The following PHTF2 variants were observed in gnomAD, a reference collection of about 807,000 sequenced individuals.
PHTF2 encodes protein PHTF2.
A neutral mutation model predicts 101.2 loss-of-function variants in PHTF2; 60 were observed. That is an observed-to-expected ratio of 0.59 (90% CI 0.48 to 0.73). The LOEUF (loss-of-function observed/expected upper bound fraction) is 0.73, where lower values mean the gene tolerates loss of function less well. Ranked by LOEUF, PHTF2 falls within the 30% of genes least tolerant of loss-of-function variation. PHTF2 has a pLI of 0.00. For synonymous variants in PHTF2, 311 were observed against 307.3 expected (o/e 1.01, Z -0.13); for missense variants, 747 against 908.7 (o/e 0.82, Z 2.29).
At chr7:77,909,983 A>G (rs1562939489) in intron 8 of PHTF2, 1 of 270,226 alleles carries the variant, frequency 3.7e-6, no homozygotes, top group Non-Finnish European at 6.9e-6. Flanking sequence ...GCTTTTGTAA[A>G]TATCCATCCA....
chr7:77,828,138 A>G (rs1794825112), intron 1 of PHTF2, among the ~76,000 whole-genome samples: 1 of 152,212 alleles, frequency 6.6e-6, no homozygotes, highest in African/African-American at 2.4e-5. Context: ...ACCAGTAATA[A>G]CATGTCCATG....
exon 14 of PHTF2, chr7:77,940,158 T>C: frequency 6.2e-7 from 1 of 1,613,876 alleles, no homozygotes; most frequent in Non-Finnish European, 8.5e-7. Flanking sequence ...CAGCACATTC[T>C]GCTTCAGAAC....
intron 1 of PHTF2, among the ~76,000 whole-genome samples, chr7:77,820,553 C>T (rs548125445): frequency 6.6e-5 from 10 of 151,422 alleles, no homozygotes; most frequent in South Asian, 2.1e-4. Flanking sequence ...TTTGTGTATA[C>T]GTATATTAGA....
chr7:77,840,259 G>A (rs1795766378), exon 2 of PHTF2: 3 of 1,607,660 alleles, frequency 1.9e-6, no homozygotes, highest in African/African-American at 1.3e-5. Context: ...GGAATAAATG[G>A]CGTCCAAAGT....
intron 13 of PHTF2, 150 bp downstream of exon 12, chr7:77,937,988 AATTTAAACAGTG>A (rs1200506956): frequency 6.3e-6 from 2 of 318,814 alleles, no homozygotes; most frequent in East Asian, 5.4e-5. Flanking sequence ...TTCTGTCTGT[AATTTAAACAGTG>A]ATTTGTCACC....
intron 9 of PHTF2, among the ~76,000 whole-genome samples, chr7:77,920,020 G>T (rs989966027): frequency 6.6e-6 from 1 of 152,114 alleles, no homozygotes; most frequent in Non-Finnish European, 1.5e-5. Context: ...GATTTACTAA[G>T]AATTTTTTGA....
chr7:77,943,112 TTTC>T (rs760412894), intron 16 of PHTF2, among the ~76,000 whole-genome samples: 43 of 145,822 alleles, frequency 2.9e-4, no homozygotes, highest in Admixed American at 6.9e-4. Context: ...TTACTATTCT[TTTC>T]TTTCTTTCTT....
intron 3 of PHTF2, among the ~76,000 whole-genome samples, chr7:77,881,162 G>A (rs912538455): frequency 6.6e-6 from 1 of 152,062 alleles, no homozygotes; most frequent in Non-Finnish European, 1.5e-5. Flanking sequence ...GTATTTAACT[G>A]CCATAACCAC....
intron 1 of PHTF2, among the ~76,000 whole-genome samples, chr7:77,799,294 T>C (rs188695523): frequency 0.012 from 1,845 of 152,300 alleles, 20 homozygotes; most frequent in Non-Finnish European, 0.017. Context: ...CGGGCCCCGC[T>C]TCCAGGCCCC....
chr7:77,891,515 T>TTTGGTCTAGGTAGCTTGGTCTAGGTAGC (rs140036429), intron 3 of PHTF2, among the ~76,000 whole-genome samples: 2 of 151,812 alleles, frequency 1.3e-5, no homozygotes, highest in African/African-American at 4.9e-5. Context: ...AAGTATGTTG[T>TTTGGTCTAGGTAGCTTGGTCTAGGTAGC]TTGGTCTAGG....
chr7:77,830,068 T>A (rs968467999), intron 1 of PHTF2, among the ~76,000 whole-genome samples: 2 of 152,226 alleles, frequency 1.3e-5, no homozygotes, highest in African/African-American at 4.8e-5. Context: ...CATTTGTGTT[T>A]AATATAGGCG....
At chr7:77,952,457 G>A (rs1806636113) in intron 18 of PHTF2, among the ~76,000 whole-genome samples, 1 of 152,116 alleles carries the variant, frequency 6.6e-6, no homozygotes, top group Non-Finnish European at 1.5e-5. Context: ...AGAAGTGGGT[G>A]GGGGGATAAT....
exon 20 of PHTF2, chr7:77,955,720 T>A (rs1402915343): frequency 6.6e-6 from 1 of 152,628 alleles, no homozygotes; most frequent in Non-Finnish European, 1.5e-5. Flanking sequence ...CCTACTGATA[T>A]TACTAAAGTA....
intron 9 of PHTF2, among the ~76,000 whole-genome samples, chr7:77,913,070 A>G (rs1802555893): frequency 6.6e-6 from 1 of 152,138 alleles, no homozygotes; most frequent in Non-Finnish European, 1.5e-5. Flanking sequence ...CTGAGAAAAC[A>G]AAGTCTAAGA....
intron 15 of PHTF2, among the ~76,000 whole-genome samples, chr7:77,941,007 T>C (rs1406644781): frequency 2.0e-5 from 3 of 152,230 alleles, no homozygotes; most frequent in African/African-American, 7.2e-5. Flanking sequence ...ATAAAAACTC[T>C]GGAGGGAAGA....
chr7:77,834,442 C>T (rs1269108763), intron 1 of PHTF2, among the ~76,000 whole-genome samples: 2 of 151,666 alleles, frequency 1.3e-5, no homozygotes, highest in Admixed American at 6.6e-5. Context: ...TCACAAATTC[C>T]AGAAACATGA....
At chr7:77,844,169 T>C (rs1250873225) in intron 2 of PHTF2, among the ~76,000 whole-genome samples, 1 of 152,010 alleles carries the variant, frequency 6.6e-6, no homozygotes, top group Non-Finnish European at 1.5e-5. Context: ...ACCTAACTTT[T>C]GTATTTTTTT....
chr7:77,803,688 C>CGTGTGTGTGT (rs34239792), intron 1 of PHTF2, among the ~76,000 whole-genome samples: 27 of 140,862 alleles, frequency 1.9e-4, no homozygotes, highest in Admixed American at 1.1e-3. Context: ...GTTGAACAGG[C>CGTGTGTGTGT]GTGTGTGTGT....
At chr7:77,855,950 T>A (rs1797145716) in intron 3 of PHTF2, among the ~76,000 whole-genome samples, 1 of 152,244 alleles carries the variant, frequency 6.6e-6, no homozygotes, top group Non-Finnish European at 1.5e-5. Flanking sequence ...GTACTTTGTT[T>A]ACTCACCTGA....
Sources: allele counts gnomAD v4.1 joint callset (sites outside exome capture counted in the v4.1 genomes callset), GRCh38; gene constraint gnomAD v4.1.1; transcripts MANE v1.5; gene names NCBI Gene and HGNC (gene_info 2026-07-23, HGNC 2026-07-21).